The following RAB38 variants were observed in gnomAD, a reference collection of about 807,000 sequenced individuals.
RAB38 encodes ras-related protein Rab-38.
RAB38 carries 15 observed loss-of-function variants against 18.4 expected under a neutral mutation model. The ratio of observed to expected loss-of-function variants is 0.82; its 90% CI spans 0.55 to 1.26. RAB38 has a LOEUF of 1.26. Among genes scored for constraint, RAB38 ranks in the 50% most tolerant of loss-of-function variants. The probability of loss-of-function intolerance (pLI) is 0.00; values close to 1 mark genes in which losing one functional copy is unlikely to be tolerated. For synonymous variants in RAB38, 101 were observed against 104.4 expected, an observed-to-expected ratio of 0.97 and a Z score of 0.20; for missense variants, 294 against 267.4, an observed-to-expected ratio of 1.10 and a Z score of -0.69.
At chr11:88,027,200 G>GT in the RAB38 span, among the ~76,000 whole-genome samples, 12 of 151,202 alleles carry the variant, frequency 7.9e-5, no homozygotes, top group South Asian at 6.3e-4. Flanking sequence ...TTTTGTCAAA[G>GT]TTTTTTTTTG....
At chr11:87,964,790 T>C in the RAB38 span, among the ~76,000 whole-genome samples, 2 of 152,178 alleles carry the variant, frequency 1.3e-5, no homozygotes, top group Non-Finnish European at 2.9e-5. Context: ...ATGGACTAAT[T>C]TAATTCAGAT....
At chr11:87,831,431 C>T in the RAB38 span, among the ~76,000 whole-genome samples, 16 of 152,106 alleles carry the variant, frequency 1.1e-4, no homozygotes, top group African/African-American at 3.4e-4. Context: ...CTCAGTGCTG[C>T]AGGAATTCAG....
At chr11:87,825,412 G>T in the RAB38 span, among the ~76,000 whole-genome samples, 1 of 152,058 alleles carries the variant, frequency 6.6e-6, no homozygotes, top group Non-Finnish European at 1.5e-5. Flanking sequence ...AAGTCCTTAA[G>T]GTGCCAGCAG....
chr11:87,838,889 A>G, the RAB38 span, among the ~76,000 whole-genome samples: 1 of 152,190 alleles, frequency 6.6e-6, no homozygotes, highest in Non-Finnish European at 1.5e-5. Context: ...TAATGCTCAT[A>G]ACAACCCTGG....
intron 2 of RAB38, among the ~76,000 whole-genome samples, chr11:88,132,604 T>C (rs1182974250): frequency 1.3e-5 from 2 of 152,096 alleles, no homozygotes; most frequent in African/African-American, 4.8e-5. Context: ...ATTACAAGCA[T>C]GCGCCACCAT....
At chr11:87,973,547 A>T in the RAB38 span, among the ~76,000 whole-genome samples, 2 of 152,140 alleles carry the variant, frequency 1.3e-5, no homozygotes, top group Admixed American at 1.3e-4. Flanking sequence ...AGAGTATGGC[A>T]GTCTTGCTAA....
chr11:88,144,628 A>C (rs1399519653), intron 2 of RAB38, among the ~76,000 whole-genome samples: 1 of 152,204 alleles, frequency 6.6e-6, no homozygotes, highest in Non-Finnish European at 1.5e-5. Context: ...TTTAGCTTCA[A>C]AGAAGAGGCA....
the RAB38 span, among the ~76,000 whole-genome samples, chr11:87,826,068 A>G: frequency 6.6e-6 from 1 of 152,110 alleles, no homozygotes; most frequent in South Asian, 2.1e-4. Context: ...TATCCTCCAT[A>G]GTAGAAAGAC....
intron 1 of RAB38, among the ~76,000 whole-genome samples, chr11:88,171,014 T>C (rs2134858801): frequency 6.6e-6 from 1 of 152,294 alleles, no homozygotes; most frequent in East Asian, 1.9e-4. Context: ...TCTTTTTAAA[T>C]AAAATTGGGT....
the RAB38 span, among the ~76,000 whole-genome samples, chr11:87,972,730 C>T: frequency 3.9e-5 from 6 of 151,954 alleles, no homozygotes; most frequent in African/African-American, 1.2e-4. Context: ...TTGAGGTAAC[C>T]TCTTAAGTCA....
chr11:88,139,498 G>C (rs988273775), intron 2 of RAB38, among the ~76,000 whole-genome samples: 1 of 152,170 alleles, frequency 6.6e-6, no homozygotes, highest in Non-Finnish European at 1.5e-5. Context: ...TGTCTTCCAG[G>C]AGTTGAACCT....
chr11:87,947,366 T>C, the RAB38 span, among the ~76,000 whole-genome samples: 2 of 136,520 alleles, frequency 1.5e-5, no homozygotes, highest in African/African-American at 5.7e-5. Context: ...GTAGTTTCTT[T>C]TGCTGTGCAG....
At chr11:87,870,461 T>TAA in the RAB38 span, among the ~76,000 whole-genome samples, 1 of 148,874 alleles carries the variant, frequency 6.7e-6, no homozygotes, top group African/African-American at 2.5e-5. Flanking sequence ...TTTTGTCAAA[T>TAA]AAAAAAAAAA....
intron 2 of RAB38, among the ~76,000 whole-genome samples, chr11:88,130,992 C>T (rs1164956893): frequency 3.3e-5 from 5 of 151,942 alleles, no homozygotes; most frequent in Admixed American, 2.6e-4. Context: ...TAAAAATGTC[C>T]ATTCCCTTTG....
At chr11:88,131,599 G>T (rs1942768609) in intron 2 of RAB38, among the ~76,000 whole-genome samples, 1 of 152,138 alleles carries the variant, frequency 6.6e-6, no homozygotes, top group Non-Finnish European at 1.5e-5. Flanking sequence ...GAATGTGCTT[G>T]ATCTCATCTG....
chr11:88,028,879 T>C, the RAB38 span, among the ~76,000 whole-genome samples: 1 of 152,002 alleles, frequency 6.6e-6, no homozygotes, highest in African/African-American at 2.4e-5. Flanking sequence ...ATATAGAGAA[T>C]GCCACAAAGA....
chr11:88,036,029 T>C, the RAB38 span, among the ~76,000 whole-genome samples: 5,843 of 152,266 alleles, frequency 0.038, 141 homozygotes, highest in Middle Eastern at 0.068. Context: ...CCAGGTTTTA[T>C]AGTTGTTCTT....
chr11:88,175,111 A>C, intron 1 of RAB38, 72 bp downstream of exon 1: 1 of 1,443,734 alleles, frequency 6.9e-7, no homozygotes, highest in Admixed American at 2.3e-5. Context: ...GCTTGGCCGC[A>C]AGCCGCTGCC....
the RAB38 span, among the ~76,000 whole-genome samples, chr11:88,023,538 G>GA: frequency 8.8e-4 from 133 of 150,454 alleles, no homozygotes; most frequent in Middle Eastern, 3.4e-3. Flanking sequence ...CACAGAAATA[G>GA]AAAAAAAAAT....
Sources: gnomAD v4.1 joint callset for allele counts (sites outside exome capture counted in the v4.1 genomes callset) on GRCh38, gnomAD v4.1.1 for gene constraint, MANE v1.5 for transcripts, NCBI Gene and HGNC (gene_info 2026-07-23, HGNC 2026-07-21) for gene names.